Variants in TAOK3 observed in about 807,000 individuals in gnomAD.
The protein encoded by TAOK3 is TAO kinase 3.
In TAOK3, 40 loss-of-function variants were observed where a neutral mutation model predicts 120.4. That is an observed-to-expected ratio of 0.33 (90% CI 0.26 to 0.43). TAOK3 has a LOEUF of 0.43. Ranked by LOEUF, TAOK3 falls within the 20% of genes least tolerant of loss-of-function variation. The pLI is 1.00. For missense variants in TAOK3, 821 were observed against 1,112.1 expected (o/e 0.74, Z 3.72); for synonymous variants, 355 against 387.5 (o/e 0.92, Z 0.99).
chr12:118,285,648 C>G (rs1184749319), intron 1 of TAOK3, among the ~76,000 whole-genome samples: 1 of 152,234 alleles, frequency 6.6e-6, no homozygotes, highest in Non-Finnish European at 1.5e-5. Context: ...CCACCATGCC[C>G]AGCCATAATC....
intron 2 of TAOK3, among the ~76,000 whole-genome samples, chr12:118,262,368 A>G (rs1172008599): frequency 6.6e-6 from 1 of 152,024 alleles, no homozygotes; most frequent in Non-Finnish European, 1.5e-5. Context: ...CTGTAGTCCC[A>G]GCTACTCGGG....
intron 1 of TAOK3, among the ~76,000 whole-genome samples, chr12:118,278,379 G>C (rs1437935921): frequency 6.6e-6 from 1 of 152,094 alleles, no homozygotes; most frequent in African/African-American, 2.4e-5. Flanking sequence ...TCACTTAAAA[G>C]TGAGAACATG....
intron 9 of TAOK3, among the ~76,000 whole-genome samples, chr12:118,231,725 A>G (rs2039791566): frequency 6.6e-6 from 1 of 152,018 alleles, no homozygotes; most frequent in Non-Finnish European, 1.5e-5. Flanking sequence ...GGAGTTCAAG[A>G]CCAGCCTGAC....
intron 2 of TAOK3, among the ~76,000 whole-genome samples, chr12:118,258,080 A>G (rs984293722): frequency 1.3e-5 from 2 of 152,226 alleles, no homozygotes; most frequent in African/African-American, 4.8e-5. Flanking sequence ...GTGAAAAAGC[A>G]TGCCTTTTTA....
chr12:118,229,257 C>T (rs1321001018), intron 9 of TAOK3, among the ~76,000 whole-genome samples: 1 of 152,038 alleles, frequency 6.6e-6, no homozygotes, highest in Admixed American at 6.6e-5. Context: ...TGCATCACCA[C>T]ACACAGGTAA....
At chr12:118,216,909 T>C (rs1221495323) in intron 9 of TAOK3, among the ~76,000 whole-genome samples, 1 of 130,176 alleles carries the variant, frequency 7.7e-6, no homozygotes, top group Non-Finnish European at 1.5e-5. Context: ...AGCCTGGGCG[T>C]CAGAGTGAGA....
At chr12:118,367,417 T>G (rs998121443) in intron 1 of TAOK3, among the ~76,000 whole-genome samples, 4 of 152,098 alleles carry the variant, frequency 2.6e-5, no homozygotes, top group African/African-American at 9.7e-5. Context: ...AAATAGTTTT[T>G]TTTTTTTTTT....
At position 118,368,410 on chromosome 12, in the gene TAOK3, C is replaced by T. The variant is rs2045801760; in HGVS notation, c.-194+4238G>A. ...ACGGGTTTTCACCACGTTGGTTAGG[C>T]TGGTCTCGAATTCCTGACTTCAGGT... On this transcript the variant is annotated intron_variant, in intron 1 of 20. Transcript: ENST00000392533. Among the ~76,000 whole-genome samples the T allele has an allele frequency of 4.6e-5, 7 of 152,048 alleles. No individual in the cohort carries two copies. In the South Asian group the frequency reaches 1.5e-3, roughly 32 times the overall value.
rs1295529825 is a variant in TAOK3 at position 118,151,119 on chromosome 12, C to T, written c.2575G>A (p.Glu859Lys). 6 of 1,613,720 alleles carry T rather than the reference C, an allele frequency of 3.7e-6. No homozygotes were observed. The highest frequency in any genetic ancestry group is 1.7e-5 in the Admixed American group (1 of 59,964). Residue 859 changes from glutamate to lysine, a missense_variant, in exon 21 of 21, where the codon GAG (glutamate) becomes AAG (lysine). Transcript: ENST00000392533. ...CTTTCCAATAGGTTCTTTATTCTCT[C>T]GCTGCGTTCCTTCTGAAGGGCAGCC... is the stretch of plus-strand genomic sequence containing the variant. ...ELAALQKERSERIKNLLERQE... is the reference protein window; with the variant it reads ...ELAALQKERSKRIKNLLERQE...
chr12:118,236,314 A>G (rs2040018429), intron 7 of TAOK3: 1 of 152,206 alleles, frequency 6.6e-6, no homozygotes, highest in South Asian at 2.1e-4. Context: ...ACAAACAAGG[A>G]TTAGGGGTTA....
At position 118,291,500 on chromosome 12, in the gene TAOK3, T is replaced by C. The variant is rs1369312882; in HGVS notation, c.-193-24741A>G. ...TAAAAGGAATTATAGTAAATGTTTT[T>C]GTAAAGCAAGTAACCATTACTACTT... On this transcript the variant is annotated intron_variant, in intron 1 of 20. Coordinates refer to ENST00000392533, the MANE Select transcript of TAOK3 (RefSeq NM_016281.4). Among the ~76,000 whole-genome samples the C allele has an allele frequency of 2.6e-5, 4 of 152,290 alleles. No homozygotes were observed. In the East Asian group the frequency reaches 5.8e-4, roughly 22 times the overall value.
chr12:118,172,074 G>A (rs1350796220), intron 17 of TAOK3, among the ~76,000 whole-genome samples: 1 of 152,184 alleles, frequency 6.6e-6, no homozygotes, highest in Admixed American at 6.5e-5. Flanking sequence ...AATGCACTTA[G>A]TTATAGAGCA....
In TAOK3 at chr12:118,160,208, T is replaced by C. The variant is rs777428976; in HGVS notation, c.2290A>G (p.Lys764Glu). Residue 764 changes from lysine (K) to glutamate (E), a missense_variant, in exon 19 of 21, where the codon AAA becomes GAA. Transcript: ENST00000392533. This position sits in a 1 kb window ranked among gnomAD's most constrained non-coding sequence, Gnocchi z 4.2. ...LKTLKDEQTR[K>E]LAILAEQYEQ... is the part of the protein sequence containing the mutation. ...TACTGCTCTGCCAAAATGGCAAGTT[T>C]TCTTGTCTGCTCATCTTTCAGTGTC... 1 of 1,614,234 alleles carries C rather than the reference T, an allele frequency of 6.2e-7. No homozygotes were observed. Among genetic ancestry groups the C allele is most frequent in the East Asian group, 2.2e-5 (1 of 44,896 alleles).
chr12:118,201,154 T>C, intron 12 of TAOK3, 142 bp downstream of exon 12: 1 of 756,298 alleles, frequency 1.3e-6, no homozygotes, highest in Non-Finnish European at 2.0e-6. Flanking sequence ...TTTATGAATG[T>C]CTCTTGTACA....
chr12:118,324,901 G>T (rs1351552516), intron 1 of TAOK3, among the ~76,000 whole-genome samples: 1 of 151,024 alleles, frequency 6.6e-6, no homozygotes, highest in South Asian at 2.1e-4. Context: ...CCCGCCACCA[G>T]GCCCAGCTAA....
At chr12:118,284,744 C>G (rs2042206401) in intron 1 of TAOK3, among the ~76,000 whole-genome samples, 1 of 151,790 alleles carries the variant, frequency 6.6e-6, no homozygotes, top group Admixed American at 6.6e-5. Flanking sequence ...GTAACCCAGG[C>G]AAAGACTGCA....
intron 5 of TAOK3, among the ~76,000 whole-genome samples, chr12:118,240,443 T>C (rs1318869079): frequency 1.3e-5 from 2 of 152,050 alleles, no homozygotes; most frequent in African/African-American, 2.4e-5. Context: ...CCTCCCAAAG[T>C]GTTGGGATTA....
At chr12:118,177,544 C>T (rs2036423097) in intron 15 of TAOK3, among the ~76,000 whole-genome samples, 1 of 151,476 alleles carries the variant, frequency 6.6e-6, no homozygotes, top group Non-Finnish European at 1.5e-5. Context: ...AAATTCTGGG[C>T]TGGGTGCAGT....
At position 118,212,973 on chromosome 12, in the gene TAOK3, C is replaced by T. The variant is rs1476603656; in HGVS notation, c.760G>A (p.Val254Ile). The T allele has an allele frequency of 6.2e-7, 1 of 1,612,668 alleles. No homozygotes were observed. Residue 254 changes from valine (V) to isoleucine (I), a missense_variant, in exon 11 of 21, where the codon GTT (valine) becomes ATT (isoleucine). By Grantham distance (29) the Val-to-Ile change is conservative. Around this residue, in one of 2 missense-constraint regions of TAOK3, gnomAD observed 467 missense variants for 540.0 expected, o/e 0.86. Transcript: ENST00000392533. ...NEWTDSFRRF[V>I]DYCLQKIPQE... The stretch of plus-strand genomic sequence containing the variant: ...GGTATTTTCTGCAAGCAGTAATCAA[C>T]AAATCTCCTAAAGGAGTCTGTCCTG...
Sources: gnomAD v4.1 joint callset for allele counts (sites outside exome capture counted in the v4.1 genomes callset) on GRCh38, gnomAD v4.1.1 for gene constraint, gnomAD v4.1.1 regional missense constraint, Gnocchi (gnomAD v3.1) non-coding constraint, MANE v1.5 for transcripts, NCBI Gene and HGNC (gene_info 2026-07-23, HGNC 2026-07-21) for gene names.